The following TMEM132B variants were observed in gnomAD, a reference collection of about 807,000 sequenced individuals.
TMEM132B encodes transmembrane protein 132B.
In TMEM132B, 18 loss-of-function variants were observed where a neutral mutation model predicts 90.8. That is an observed-to-expected ratio of 0.20 (90% confidence interval 0.14 to 0.29). TMEM132B has a LOEUF of 0.29. Ranked by LOEUF, TMEM132B falls within the 10% of genes least tolerant of loss-of-function variation. TMEM132B has a pLI of 1.00. For missense variants in TMEM132B, 1,096 were observed against 1,326.8 expected (o/e 0.83, Z 2.70); for synonymous variants, 504 against 523.3 (o/e 0.96, Z 0.50).
chr12:125,264,008 C>A (rs1278658583), intron 1 of TMEM132B, among the ~76,000 whole-genome samples: 2 of 152,216 alleles, frequency 1.3e-5, no homozygotes, highest in Non-Finnish European at 2.9e-5. Flanking sequence ...ATCTTACTGT[C>A]TAGAGGTTGG....
At chr12:125,404,337 C>T (rs1879405827) in intron 2 of TMEM132B, among the ~76,000 whole-genome samples, 1 of 152,182 alleles carries the variant, frequency 6.6e-6, no homozygotes, top group Admixed American at 6.5e-5. Flanking sequence ...AGACATTTGC[C>T]TTTGCCTAGG....
At chr12:125,266,268 A>G (rs1215523188) in intron 1 of TMEM132B, among the ~76,000 whole-genome samples, 1 of 152,166 alleles carries the variant, frequency 6.6e-6, no homozygotes, top group Non-Finnish European at 1.5e-5. Context: ...CAGACAAAGA[A>G]GAATATGCAG....
rs1170058755 is a variant in TMEM132B, at chr12:125,407,055, T to A, written c.960-8476T>A. On this transcript the variant is annotated intron_variant, in intron 2 of 8. Transcript: ENST00000682704. The surrounding 1 kb of genome is among the most constrained non-coding windows in gnomAD (Gnocchi z 6.7). ...TGGGGGAGCTCACCCAAGCTTGGTG[T>A]CCAGAGCTTTTTTTGGAACTTGGTC... Among the ~76,000 whole-genome samples the A allele has an allele frequency of 6.6e-6, 1 of 152,126 alleles. No homozygotes were observed. The highest frequency in any genetic ancestry group is 1.5e-5 in the Non-Finnish European group (1 of 68,032).
At chr12:125,196,402 T>C (rs7295710) in intron 1 of TMEM132B, among the ~76,000 whole-genome samples, 55,792 of 152,136 alleles carry the variant, frequency 0.37, 10,551 homozygotes, top group Non-Finnish European at 0.38. Flanking sequence ...ATCTGTAAGA[T>C]GGAGATATTT....
At position 125,445,976 on chromosome 12, in the gene TMEM132B, C is replaced by T. The variant is rs190195032; in HGVS notation, c.1106+30299C>T. 4.9e-4 allele frequency among the ~76,000 whole-genome samples: 75 copies of T among 152,156 alleles called. 1 individual carries two copies. The highest frequency in any genetic ancestry group is 2.5e-3 in the South Asian group (12 of 4,802). ...GTGGGCATCCCAGTGGAATTCTCTG[C>T]TATCCTGGGGGCTGCAACCTCGCTT... On this transcript the variant is annotated intron_variant, in intron 3 of 8. Coordinates refer to ENST00000682704, the MANE Select transcript of TMEM132B (RefSeq NM_001366854.1). This position sits in a 1 kb window ranked among gnomAD's most constrained non-coding sequence, Gnocchi z 4.3.
intron 3 of TMEM132B, among the ~76,000 whole-genome samples, chr12:125,488,354 A>G (rs1020321937): frequency 6.6e-6 from 1 of 152,130 alleles, no homozygotes; most frequent in Non-Finnish European, 1.5e-5. Context: ...GATAACAACC[A>G]TTTACTTAGC....
chr12:125,394,347 G>A (rs1216304365), intron 2 of TMEM132B, among the ~76,000 whole-genome samples: 1 of 152,220 alleles, frequency 6.6e-6, no homozygotes, highest in East Asian at 1.9e-4. Context: ...TTAGGGGAGA[G>A]CGTTAAGGTG....
At chr12:125,519,681 G>A (rs1024524753) in intron 4 of TMEM132B, 56 bp downstream of exon 4, 19 of 1,550,586 alleles carry the variant, frequency 1.2e-5, no homozygotes, top group Middle Eastern at 2.1e-4. Flanking sequence ...CTTTAAACAT[G>A]ATGCACTGTA....
chr12:125,527,063 CATT>C (rs1883487629), intron 4 of TMEM132B, among the ~76,000 whole-genome samples: 4 of 142,582 alleles, frequency 2.8e-5, no homozygotes, highest in Non-Finnish European at 4.5e-5. Flanking sequence ...TCCATCCACC[CATT>C]TACCCTTCTA....
At position 125,393,917 on chromosome 12, in the gene TMEM132B, G is replaced by T. The variant is rs1317342697; in HGVS notation, c.960-21614G>T. 2.0e-5 allele frequency among the ~76,000 whole-genome samples: 3 copies of T among 152,118 alleles called. No individual in the cohort carries two copies. The East Asian group carries it at 5.8e-4, about 29-fold the overall frequency. On this transcript the variant is annotated intron_variant, in intron 2 of 8. Transcript: ENST00000682704. ...CTAATCTCCTACTGTCTCTCCTATT[G>T]GTTGAACCCAACTGGAAGCCAGAGA...
chr12:125,289,452 G>T (rs1210073851), intron 1 of TMEM132B, among the ~76,000 whole-genome samples: 1 of 152,152 alleles, frequency 6.6e-6, no homozygotes, highest in East Asian at 1.9e-4. Flanking sequence ...CACATGATTT[G>T]CTCCAGGTTG....
At chr12:125,491,150 GA>G (rs1377721888) in intron 3 of TMEM132B, among the ~76,000 whole-genome samples, 4 of 152,040 alleles carry the variant, frequency 2.6e-5, no homozygotes, top group Non-Finnish European at 5.9e-5. Flanking sequence ...CAATCCACCA[GA>G]ACTGTGAAAT....
chr12:125,392,281 G>C (rs938028413), intron 2 of TMEM132B, among the ~76,000 whole-genome samples: 1 of 152,194 alleles, frequency 6.6e-6, no homozygotes, highest in Non-Finnish European at 1.5e-5. Context: ...AGTTTAGTGG[G>C]GACAATTTAG....
chr12:125,286,410 A>G (rs1426090848), intron 1 of TMEM132B, among the ~76,000 whole-genome samples: 1 of 152,242 alleles, frequency 6.6e-6, no homozygotes, highest in African/African-American at 2.4e-5. Flanking sequence ...GTTTCTACAT[A>G]TAGAGAATGG....
intron 1 of TMEM132B, among the ~76,000 whole-genome samples, chr12:125,340,091 CAG>C (rs1877128698): frequency 1.3e-5 from 2 of 152,046 alleles, no homozygotes; most frequent in African/African-American, 4.8e-5. Context: ...AAATCATTGG[CAG>C]AGAGAGAAAT....
Position 125,251,049 on chromosome 12 carries a change from G to T in TMEM132B, c.67+64183G>T, listed in dbSNP as rs1874307388. On this transcript the variant is annotated intron_variant, in intron 1 of 8. Coordinates refer to ENST00000682704, the MANE Select transcript of TMEM132B (RefSeq NM_001366854.1). The surrounding 1 kb of genome is among the most constrained non-coding windows in gnomAD (Gnocchi z 4.4). Reference sequence around the variant, plus strand: ...AAAGAAGAGATCATTTCCGACTATTGCTAATTTAACAATAAGTGGAAAAGC... The same window carrying T: ...AAAGAAGAGATCATTTCCGACTATTTCTAATTTAACAATAAGTGGAAAAGC... Among the ~76,000 whole-genome samples the T allele has an allele frequency of 6.6e-6, 1 of 152,090 alleles. No individual in the cohort carries two copies. The highest frequency in any genetic ancestry group is 2.4e-5 in the African/African-American group (1 of 41,424).
intron 3 of TMEM132B, among the ~76,000 whole-genome samples, chr12:125,471,518 C>G (rs943198428): frequency 6.6e-6 from 1 of 152,208 alleles, no homozygotes; most frequent in African/African-American, 2.4e-5. Context: ...TCTGCATTTT[C>G]AGCTCCCACT....
chr12:125,218,857 C>T (rs926650095), intron 1 of TMEM132B, among the ~76,000 whole-genome samples: 10 of 134,668 alleles, frequency 7.4e-5, no homozygotes, highest in African/African-American at 2.8e-4. Context: ...GGTGCCCAAA[C>T]AAAAACCTGC....
At chr12:125,259,281 T>C (rs1478645331) in intron 1 of TMEM132B, among the ~76,000 whole-genome samples, 1 of 152,160 alleles carries the variant, frequency 6.6e-6, no homozygotes, top group African/African-American at 2.4e-5. Context: ...GCATTCTCAG[T>C]GTGTAACAGG....
Sources: allele counts gnomAD v4.1 joint callset (sites outside exome capture counted in the v4.1 genomes callset), GRCh38; gene constraint gnomAD v4.1.1; non-coding constraint Gnocchi (gnomAD v3.1); transcripts MANE v1.5; gene names NCBI Gene and HGNC (gene_info 2026-07-23, HGNC 2026-07-21).